Variants in FGD6 observed in about 807,000 individuals in gnomAD.
FGD6 encodes the protein FYVE, RhoGEF and PH domain-containing protein 6.
A neutral mutation model predicts 149.4 loss-of-function variants in FGD6; 90 were observed. The ratio of observed to expected loss-of-function variants is 0.60; its 90% CI spans 0.51 to 0.72. FGD6 has a LOEUF of 0.72. Ranked by LOEUF, FGD6 falls within the 30% of genes least tolerant of loss-of-function variation. FGD6 has a pLI of 0.00. For missense variants in FGD6, 1,437 were observed against 1,684.8 expected (o/e 0.85, Z 2.57); for synonymous variants, 527 against 584.0 (o/e 0.90, Z 1.41).
chr12:95,156,495 C>T (rs1259561445), intron 3 of FGD6, among the ~76,000 whole-genome samples: 1 of 152,186 alleles, frequency 6.6e-6, no homozygotes, highest in African/African-American at 2.4e-5. Context: ...TGCTCTCAAA[C>T]CCTGTCTCCT....
chr12:95,172,186 G>T (rs1881012503), intron 3 of FGD6, among the ~76,000 whole-genome samples: 1 of 152,134 alleles, frequency 6.6e-6, no homozygotes, highest in Non-Finnish European at 1.5e-5. Context: ...GGCCAGCCTG[G>T]CCAACATAGT....
intron 13 of FGD6, 81 bp from the exon 14 acceptor site, chr12:95,105,167 G>T: frequency 8.4e-7 from 1 of 1,192,710 alleles, no homozygotes; most frequent in Non-Finnish European, 1.2e-6. Flanking sequence ...AATGGCCCTG[G>T]CTGCTTACAT....
At chr12:95,153,958 A>AGT (rs1565910524) in intron 3 of FGD6, among the ~76,000 whole-genome samples, 4 of 148,080 alleles carry the variant, frequency 2.7e-5, no homozygotes, top group African/African-American at 1.0e-4. Context: ...AGTGAGAGAG[A>AGT]GAAGAGACAG....
At chr12:95,124,981 T>C (rs1879293155) in intron 8 of FGD6, among the ~76,000 whole-genome samples, 1 of 152,194 alleles carries the variant, frequency 6.6e-6, no homozygotes. Context: ...TTAATTACTA[T>C]GTCATGATTA....
rs34057454 is a variant in FGD6, at chr12:95,097,634, C to CAAAA, written c.3498-2944_3498-2941dup. On this transcript the variant is annotated intron_variant, in intron 14 of 20. Coordinates refer to ENST00000343958, the MANE Select transcript of FGD6 (RefSeq NM_018351.4). ...CTGGGCAACAAGTGAGACTCTGTCT[C>CAAAA]AAAAAAAAAAAAAAAAAAAAAAAAA... Among the ~76,000 whole-genome samples, 281 of 43,294 alleles carry CAAAA rather than the reference C, an allele frequency of 6.5e-3. 19 individuals carry two copies. The highest frequency in any genetic ancestry group is 9.1e-3 in the African/African-American group (91 of 10,052). The allele number at this position is 43,294 out of a possible 152,430, so 28.4% of individuals were successfully genotyped here.
At chr12:95,148,541 CATATATTATATT>C (rs1337226832) in intron 5 of FGD6, among the ~76,000 whole-genome samples, 15 of 113,086 alleles carry the variant, frequency 1.3e-4, no homozygotes, top group Non-Finnish European at 1.8e-5. Context: ...TAATATATAG[CATATATTATATT>C]ATATATTATA....
chr12:95,214,861 C>CTTTTTTTTTTTTTTTTTTT (rs1171146305), intron 1 of FGD6, among the ~76,000 whole-genome samples: 2 of 129,218 alleles, frequency 1.5e-5, no homozygotes, highest in Non-Finnish European at 3.3e-5. Context: ...CTCCTTTTTT[C>CTTTTTTTTTTTTTTTTTTT]TTTTTTTTTT....
chr12:95,154,052 G>C (rs1041336728), intron 3 of FGD6, among the ~76,000 whole-genome samples: 1 of 151,816 alleles, frequency 6.6e-6, no homozygotes, highest in African/African-American at 2.4e-5. Flanking sequence ...CTCTGCCTCC[G>C]GGGTTCGAGA....
chr12:95,180,812 G>T (rs1348576365), intron 2 of FGD6, among the ~76,000 whole-genome samples: 1 of 151,776 alleles, frequency 6.6e-6, no homozygotes, highest in African/African-American at 2.4e-5. Flanking sequence ...ATAAAAGGTG[G>T]TTCAAAGCAT....
At chr12:95,216,284 A>G (rs2056777042) in intron 1 of FGD6, among the ~76,000 whole-genome samples, 3 of 152,376 alleles carry the variant, frequency 2.0e-5, no homozygotes, top group Admixed American at 2.0e-4. Context: ...TTAATCTGAT[A>G]CTTAAGTGCT....
At chr12:95,201,876 T>C (rs911784140) in intron 2 of FGD6, among the ~76,000 whole-genome samples, 1 of 151,954 alleles carries the variant, frequency 6.6e-6, no homozygotes, top group Non-Finnish European at 1.5e-5. Flanking sequence ...GCTCTAAAAA[T>C]AATAATGCAA....
At chr12:95,087,782 A>G (rs536247873) in intron 18 of FGD6, among the ~76,000 whole-genome samples, 88 of 152,196 alleles carry the variant, frequency 5.8e-4, no homozygotes, top group Non-Finnish European at 1.1e-3. Flanking sequence ...TTTCATGAAA[A>G]TAATTATATA....
At chr12:95,178,706 C>A (rs1348982996) in intron 2 of FGD6, among the ~76,000 whole-genome samples, 1 of 151,854 alleles carries the variant, frequency 6.6e-6, no homozygotes, top group East Asian at 1.9e-4. Context: ...TTTTTAAAAT[C>A]CTATAATGTA....
intron 8 of FGD6, among the ~76,000 whole-genome samples, chr12:95,128,117 G>A (rs1879400963): frequency 6.6e-6 from 1 of 152,178 alleles, no homozygotes; most frequent in Admixed American, 6.5e-5. Flanking sequence ...ATTTTTGTAT[G>A]CACAAAAGAT....
intron 5 of FGD6, 124 bp from the exon 6 acceptor site, chr12:95,141,663 T>A: frequency 8.8e-7 from 1 of 1,135,682 alleles, no homozygotes; most frequent in Non-Finnish European, 1.2e-6. Flanking sequence ...CATGCAGAAT[T>A]ACAAATCTAA....
At chr12:95,201,034 T>A (rs989884212) in intron 2 of FGD6, among the ~76,000 whole-genome samples, 2 of 152,052 alleles carry the variant, frequency 1.3e-5, no homozygotes, top group Non-Finnish European at 2.9e-5. Flanking sequence ...TTTTTTTTTT[T>A]AATCCAAAAG....
intron 2 of FGD6, among the ~76,000 whole-genome samples, chr12:95,201,998 A>T (rs896047797): frequency 7.7e-6 from 1 of 130,686 alleles, no homozygotes; most frequent in Non-Finnish European, 1.6e-5. Flanking sequence ...ACACACACAC[A>T]CATCTTCTTC....
At chr12:95,116,687 C>A (rs1244551535) in intron 8 of FGD6, among the ~76,000 whole-genome samples, 1 of 152,166 alleles carries the variant, frequency 6.6e-6, no homozygotes, top group African/African-American at 2.4e-5. Flanking sequence ...GTTAGGTTTA[C>A]CCTCCTTGCC....
chr12:95,084,057 C>CT (rs1877780368), intron 20 of FGD6, among the ~76,000 whole-genome samples: 1 of 152,134 alleles, frequency 6.6e-6, no homozygotes, highest in African/African-American at 2.4e-5. Flanking sequence ...TGTGTTTGAC[C>CT]TTTTCCCCAA....
Sources: allele counts gnomAD v4.1 joint callset (sites outside exome capture counted in the v4.1 genomes callset), GRCh38; gene constraint gnomAD v4.1.1; transcripts MANE v1.5; gene names NCBI Gene and HGNC (gene_info 2026-07-23, HGNC 2026-07-21).